BATF: variants seen among roughly 807,000 people sequenced by gnomAD.
BATF encodes basic leucine zipper ATF-like transcription factor.
Under a neutral mutation model 13.7 loss-of-function variants are expected in BATF, and 5 were observed. The observed-to-expected ratio is 0.36, with a 90% CI of 0.19 to 0.77. The LOEUF is 0.77. Among genes scored for constraint, BATF ranks in the 30% least tolerant of loss-of-function variants. BATF has a pLI of 0.51. For synonymous variants in BATF, 72 were observed against 67.5 expected, an observed-to-expected ratio of 1.07 and a Z score of -0.33; for missense variants, 124 against 163.0, an observed-to-expected ratio of 0.76 and a Z score of 1.30.
intron 2 of BATF, among the ~76,000 whole-genome samples, chr14:75,526,992 A>G (rs1003922414): frequency 5.9e-5 from 9 of 152,214 alleles, no homozygotes; most frequent in Middle Eastern, 6.3e-3. Flanking sequence ...GTGGAATGTA[A>G]GTATAGTTCG....
In BATF at chr14:75,541,824, C is replaced by T. The variant is rs143923415; in HGVS notation, c.169-4638C>T. Among the ~76,000 whole-genome samples the T allele has an allele frequency of 7.1e-4, 108 of 152,220 alleles. No homozygotes were observed. The East Asian group carries it at 0.015, about 22-fold the overall frequency. Reference sequence around the variant, plus strand: ...GACTACAGGCATGCGCCACCACGCCCGGCTAATTTTTGTATTTTTTGTAGA... The same window carrying T: ...GACTACAGGCATGCGCCACCACGCCTGGCTAATTTTTGTATTTTTTGTAGA... On this transcript the variant is annotated intron_variant, in intron 2 of 2. Transcript: ENST00000286639.
rs1314681331 is a variant in BATF, at chr14:75,546,913, A to C, written c.*242A>C. On this transcript the variant is annotated 3_prime_UTR_variant, in exon 3 of 3. Transcript: ENST00000286639. ...GCAGGCCCAATGCAGAAGAGTATTA[A>C]GAAAGATGCTCAAGTCCCATGGCAC... 2.5e-5 allele frequency: 18 copies of C among 708,066 alleles called. No individual in the cohort carries two copies. The highest frequency in any genetic ancestry group is 4.4e-5 in the Non-Finnish European group (17 of 390,154). 43.9% of individuals were successfully genotyped at this position (708,066 alleles called of 1,614,324 possible).
chr14:75,525,231 T>C (rs1418166128), intron 2 of BATF, 43 bp downstream of exon 2: 2 of 1,576,038 alleles, frequency 1.3e-6, no homozygotes, highest in East Asian at 2.3e-5. Context: ...GCTTTAGGCT[T>C]TGCCCTCCGC....
chr14:75,540,661 T>C (rs1347924088), intron 2 of BATF, among the ~76,000 whole-genome samples: 1 of 152,262 alleles, frequency 6.6e-6, no homozygotes, highest in Non-Finnish European at 1.5e-5. Flanking sequence ...AACTTCTCTG[T>C]TCCTCTGTTT....
intron 2 of BATF, among the ~76,000 whole-genome samples, chr14:75,544,408 T>C (rs1887949962): frequency 6.6e-6 from 1 of 151,536 alleles, no homozygotes; most frequent in Admixed American, 6.6e-5. Flanking sequence ...CTACTAAAAA[T>C]ACAAAAACTA....
intron 2 of BATF, among the ~76,000 whole-genome samples, chr14:75,537,933 A>G (rs769430741): frequency 1.6e-4 from 25 of 152,326 alleles, no homozygotes; most frequent in Non-Finnish European, 2.9e-4. Context: ...AAACAAATTT[A>G]ATAAAATCAA....
chr14:75,535,951 T>C (rs1887810157), intron 2 of BATF, among the ~76,000 whole-genome samples: 1 of 152,116 alleles, frequency 6.6e-6, no homozygotes, highest in East Asian at 1.9e-4. Context: ...CACAGAAAAT[T>C]ATAAAGCAAA....
intron 2 of BATF, among the ~76,000 whole-genome samples, chr14:75,540,220 C>A (rs1887876439): frequency 6.6e-6 from 1 of 152,146 alleles, no homozygotes; most frequent in Admixed American, 6.5e-5. Flanking sequence ...CCAGCCTTGT[C>A]CTTGGTCTTC....
At chr14:75,532,004 T>C (rs1887741510) in intron 2 of BATF, among the ~76,000 whole-genome samples, 1 of 152,252 alleles carries the variant, frequency 6.6e-6, no homozygotes, top group Non-Finnish European at 1.5e-5. Context: ...TATGAATTTC[T>C]TTTAAGAAAA....
At chr14:75,530,661 T>C (rs773375981) in intron 2 of BATF, among the ~76,000 whole-genome samples, 3 of 152,182 alleles carry the variant, frequency 2.0e-5, no homozygotes, top group Non-Finnish European at 2.9e-5. Context: ...TTTAATTTAA[T>C]GTTTTATTTA....
chr14:75,544,800 T>TA (rs1213968669), intron 2 of BATF, among the ~76,000 whole-genome samples: 1 of 42,514 alleles, frequency 2.4e-5, no homozygotes, highest in African/African-American at 4.8e-5. Context: ...AAATTTTTTT[T>TA]TTTTTTTTTT....
chr14:75,541,196 C>T (rs1354496036), intron 2 of BATF, among the ~76,000 whole-genome samples: 2 of 152,150 alleles, frequency 1.3e-5, no homozygotes, highest in African/African-American at 4.8e-5. Flanking sequence ...CAGGTTACAC[C>T]TTAGACCTAT....
At chr14:75,533,525 A>G (rs1887771743) in intron 2 of BATF, among the ~76,000 whole-genome samples, 1 of 151,616 alleles carries the variant, frequency 6.6e-6, no homozygotes, top group African/African-American at 2.4e-5. Flanking sequence ...GTCTTGATGG[A>G]GCTATTCTCA....
At chr14:75,543,439 A>T (rs1887932563) in intron 2 of BATF, among the ~76,000 whole-genome samples, 1 of 151,998 alleles carries the variant, frequency 6.6e-6, no homozygotes, top group South Asian at 2.1e-4. Flanking sequence ...ATGTTGGTAT[A>T]TGCTTCTCTG....
rs2228235 is a variant in BATF at position 75,546,596 on chromosome 14, C to T, written c.303C>T (p.Pro101=). 6.2e-7 allele frequency: 1 copy of T among 1,613,942 alleles called. No homozygotes were observed. The highest frequency in any genetic ancestry group is 8.5e-7 in the Non-Finnish European group (1 of 1,179,960). ...GCTCGGTGCTGGCCGCCAGCACGCC[C>T]TCGCCCCCCGAGGTGGTGTACAGCG... ...PLCSVLAAST[P]SPPEVVYSAH... The change falls in exon 3 of 3, where the codon CCC becomes CCT. Residue 101 remains proline (P), a synonymous_variant. Coordinates refer to ENST00000286639, the MANE Select transcript of BATF (RefSeq NM_006399.5).
chr14:75,539,424 AT>A (rs1162218076), intron 2 of BATF, among the ~76,000 whole-genome samples: 55 of 58,552 alleles, frequency 9.4e-4, no homozygotes, highest in African/African-American at 3.0e-3. Flanking sequence ...GTAAGCTGGA[AT>A]TTTTTTTTTT....
In BATF at chr14:75,522,710, T is replaced by A; in HGVS notation, c.28T>A (p.Ser10Thr). The A allele has an allele frequency of 1.9e-6, 3 of 1,614,150 alleles. No homozygotes were observed. Among genetic ancestry groups the A allele is most frequent in the Non-Finnish European group, 2.5e-6 (3 of 1,180,018 alleles). The change falls in exon 1 of 3, where the codon TCC becomes ACC. Residue 10 changes from serine to threonine, a missense_variant. By Grantham distance (58) the Ser-to-Thr change is moderately conservative. Coordinates refer to ENST00000286639, the MANE Select transcript of BATF (RefSeq NM_006399.5). MPHSSDSSD[S>T]SFSRSPPPGK... The stretch of plus-strand genomic sequence containing the variant: ...GCCTCACAGCTCCGACAGCAGTGAC[T>A]CCAGCTTCAGCCGCTCTCCTCCCCC...
intron 2 of BATF, among the ~76,000 whole-genome samples, chr14:75,527,534 T>C (rs1469563828): frequency 6.6e-6 from 1 of 152,182 alleles, no homozygotes; most frequent in Non-Finnish European, 1.5e-5. Context: ...ATCCAAACCC[T>C]TGGGGAACGT....
chr14:75,522,750 A>C lies in BATF; in HGVS notation c.63+5A>C. Reference sequence around the variant, plus strand: ...TCTCCTCCCCCTGGCAAACAGGTAGAGTCCTCCTTTTTCTCTCTCCTACCT... The same window carrying C: ...TCTCCTCCCCCTGGCAAACAGGTAGCGTCCTCCTTTTTCTCTCTCCTACCT... On this transcript the variant is annotated splice_donor_5th_base_variant and intron_variant, in intron 1 of 2. Transcript: ENST00000286639. 6.2e-7 allele frequency: 1 copy of C among 1,614,172 alleles called. No homozygotes were observed. Among genetic ancestry groups the C allele is most frequent in the Non-Finnish European group, 8.5e-7 (1 of 1,179,998 alleles).
Sources: gnomAD v4.1 joint callset for allele counts (sites outside exome capture counted in the v4.1 genomes callset) on GRCh38, gnomAD v4.1.1 for gene constraint, MANE v1.5 for transcripts, NCBI Gene and HGNC (gene_info 2026-07-23, HGNC 2026-07-21) for gene names.